PCDHGB6: variants seen among roughly 807,000 people sequenced by gnomAD.
PCDHGB6 encodes the protein protocadherin gamma subfamily B, 6, also known as protocadherin gamma-B6.
Under a neutral mutation model 59.1 loss-of-function variants are expected in PCDHGB6, and 51 were observed. The ratio of observed to expected loss-of-function variants is 0.86; its 90% CI spans 0.69 to 1.09. PCDHGB6 has a LOEUF of 1.09. Among genes scored for constraint, PCDHGB6 ranks in the 50% least tolerant of loss-of-function variants. PCDHGB6 has a pLI of 0.00. For missense variants in PCDHGB6, 1,148 were observed against 1,205.1 expected, an observed-to-expected ratio of 0.95 and a Z score of 0.70; for synonymous variants, 466 against 495.1, an observed-to-expected ratio of 0.94 and a Z score of 0.78.
chr5:141,470,627 G>A (rs977900352), intron 1 of PCDHGB6, among the ~76,000 whole-genome samples: 3 of 152,154 alleles, frequency 2.0e-5, no homozygotes, highest in Non-Finnish European at 2.9e-5. Flanking sequence ...TGCTTAGATA[G>A]GCCCCCTTGC....
chr5:141,417,414 A>G (rs1255289735), intron 1 of PCDHGB6: 1 of 157,986 alleles, frequency 6.3e-6, no homozygotes, highest in Non-Finnish European at 1.4e-5. Flanking sequence ...TTCAAGATAT[A>G]TGTAAATTCA....
chr5:141,478,819 C>T, intron 1 of PCDHGB6: 8 of 1,447,842 alleles, frequency 5.5e-6, no homozygotes, highest in South Asian at 3.0e-5. Flanking sequence ...CACAACTAAC[C>T]AATCTTGCTA....
chr5:141,457,118 A>G (rs1427146922), intron 1 of PCDHGB6, among the ~76,000 whole-genome samples: 3 of 152,228 alleles, frequency 2.0e-5, no homozygotes, highest in Non-Finnish European at 4.4e-5. Context: ...TACGACAGCA[A>G]TGGAAACTCT....
rs754836894 is a variant in PCDHGB6, at chr5:141,432,969, C to A, written c.2418+22349C>A. 6.2e-7 allele frequency: 1 copy of A among 1,614,148 alleles called. No individual in the cohort carries two copies. Among genetic ancestry groups the A allele is most frequent in the East Asian group, 2.2e-5 (1 of 44,852 alleles). ...GGAGGCGGCTTGACAGGAGCGCCGG[C>A]GTCGCACTTTGTGGGCGTGGACGGG... is the stretch of plus-strand genomic sequence containing the variant. On this transcript the variant is annotated intron_variant, in intron 1 of 3. Coordinates refer to ENST00000520790, the MANE Select transcript of PCDHGB6 (RefSeq NM_018926.3). This position sits in a 1 kb window ranked among gnomAD's most constrained non-coding sequence, Gnocchi z 6.0.
intron 1 of PCDHGB6, among the ~76,000 whole-genome samples, chr5:141,479,135 G>C (rs1236040845): frequency 6.6e-6 from 1 of 152,126 alleles, no homozygotes; most frequent in East Asian, 1.9e-4. Flanking sequence ...TGTGCACCCT[G>C]CTTACAAAAT....
intron 1 of PCDHGB6, 134 bp from the exon 2 acceptor site, chr5:141,494,673 C>G: frequency 4.5e-6 from 7 of 1,542,992 alleles, no homozygotes; most frequent in Non-Finnish European, 6.1e-6. Flanking sequence ...GATGAGTCCA[C>G]CCCTGCCCCC....
chr5:141,447,064 C>T (rs1453083716), intron 1 of PCDHGB6, among the ~76,000 whole-genome samples: 1 of 152,064 alleles, frequency 6.6e-6, no homozygotes, highest in Non-Finnish European at 1.5e-5. Context: ...ATGTGTCAGG[C>T]TGTTTTAATT....
At position 141,423,563 on chromosome 5, in the gene PCDHGB6, C is replaced by T. The variant is rs745802952; in HGVS notation, c.2418+12943C>T. 9.9e-6 allele frequency: 16 copies of T among 1,613,436 alleles called. No homozygotes were observed. In the Admixed American group the frequency reaches 2.3e-4, roughly 24 times the overall value. ...TTCCCCCAGCCCAACTATGGGGACA[C>T]GCTCATCAGCCAGGAGAGCTGTGAG... On this transcript the variant is annotated intron_variant, in intron 1 of 3. Coordinates refer to ENST00000520790, the MANE Select transcript of PCDHGB6 (RefSeq NM_018926.3).
chr5:141,510,813 C>T, intron 3 of PCDHGB6, 134 bp from the exon 4 acceptor site: 1 of 1,537,024 alleles, frequency 6.5e-7, no homozygotes, highest in South Asian at 1.2e-5. Flanking sequence ...CTTGGTGACC[C>T]CTATATTCCC....
Position 141,485,151 on chromosome 5 carries a change from T to C in PCDHGB6, c.2419-9656T>C, listed in dbSNP as rs1191585056. 1.0e-5 allele frequency: 16 copies of C among 1,584,876 alleles called. No homozygotes were observed. Among genetic ancestry groups the C allele is most frequent in the Non-Finnish European group, 1.3e-5 (15 of 1,156,528 alleles). On this transcript the variant is annotated intron_variant, in intron 1 of 3. Coordinates refer to ENST00000520790, the MANE Select transcript of PCDHGB6 (RefSeq NM_018926.3). This position sits in a 1 kb window ranked among gnomAD's most constrained non-coding sequence, Gnocchi z 5.7. ...GCTTCATCCGCGTCTCAGGAGCAAG[T>C]AGAGAATTAGCGGGCGGCAGCAATG...
At chr5:141,418,479 C>G (rs375821205) in intron 1 of PCDHGB6, 3 of 1,614,010 alleles carry the variant, frequency 1.9e-6, no homozygotes, top group Non-Finnish European at 1.7e-6. Context: ...ACGCAGAGCG[C>G]TCACCACTTG....
At chr5:141,503,384 C>G (rs898225633) in intron 2 of PCDHGB6, among the ~76,000 whole-genome samples, 1 of 151,906 alleles carries the variant, frequency 6.6e-6, no homozygotes, top group Non-Finnish European at 1.5e-5. Flanking sequence ...ATCATGAGGT[C>G]AGGAGTTCGA....
chr5:141,408,973 T>G lies in PCDHGB6; in HGVS notation c.771T>G (p.Pro257=), dbSNP rs754120948. 4.3e-5 allele frequency: 70 copies of G among 1,613,718 alleles called. No homozygotes were observed. In the Admixed American group the frequency reaches 6.5e-4, roughly 15 times the overall value. ...TTAGTCTTAGTGAAAATCTGCCCCC[T>G]GGGTCCCCTGTGTTGCAAGTGACAG... The part of the protein sequence containing the change: ...YRISLSENLP[P]GSPVLQVTAT... Residue 257 remains proline, a synonymous_variant, in exon 1 of 4, where the codon CCT becomes CCG. Transcript: ENST00000520790.
chr5:141,454,893 C>T (rs1414320972), intron 1 of PCDHGB6, among the ~76,000 whole-genome samples: 7 of 146,892 alleles, frequency 4.8e-5, no homozygotes, highest in Admixed American at 1.4e-4. Flanking sequence ...CTGCTAGCAC[C>T]GCCTCCCGGG....
Position 141,477,283 on chromosome 5 carries a change from C to T in PCDHGB6, c.2419-17524C>T, listed in dbSNP as rs766672047. The T allele has an allele frequency of 9.3e-6, 15 of 1,614,076 alleles. No homozygotes were observed. The highest frequency in any genetic ancestry group is 2.7e-5 in the African/African-American group (2 of 74,924). On this transcript the variant is annotated intron_variant, in intron 1 of 3. Coordinates refer to ENST00000520790, the MANE Select transcript of PCDHGB6 (RefSeq NM_018926.3). The surrounding 1 kb of genome is among the most constrained non-coding windows in gnomAD (Gnocchi z 4.9). ...CTGGCGAGAACGGGCTGGTGACCTG[C>T]GAAGTTCCACCGGGTCTCCCTTTCA... is the stretch of plus-strand genomic sequence containing the variant.
At chr5:141,428,987 T>G (rs1185184865) in intron 1 of PCDHGB6, 2 of 152,288 alleles carry the variant, frequency 1.3e-5, no homozygotes, top group Non-Finnish European at 2.9e-5. Context: ...CCCGGGTAGC[T>G]GGGACTACAG....
At chr5:141,437,040 C>G (rs188070264) in intron 1 of PCDHGB6, among the ~76,000 whole-genome samples, 1 of 152,266 alleles carries the variant, frequency 6.6e-6, no homozygotes, top group African/African-American at 2.4e-5. Flanking sequence ...ATCACCGAAA[C>G]CAGAAGGCTG....
Position 141,477,468 on chromosome 5 carries a change from A to G in PCDHGB6, c.2419-17339A>G. ...GTGCGTGTTCAAGTGTCCGACATCA[A>G]TGACAACCCTCCACAATCTTCTCAA... is the stretch of plus-strand genomic sequence containing the variant. On this transcript the variant is annotated intron_variant, in intron 1 of 3. Transcript: ENST00000520790. This position sits in a 1 kb window ranked among gnomAD's most constrained non-coding sequence, Gnocchi z 4.9. 6.2e-7 allele frequency: 1 copy of G among 1,614,158 alleles called. No homozygotes were observed. Among genetic ancestry groups the G allele is most frequent in the Non-Finnish European group, 8.5e-7 (1 of 1,180,022 alleles).
At position 141,409,052 on chromosome 5, in the gene PCDHGB6, A is replaced by C; in HGVS notation, c.850A>C (p.Thr284Pro). 1.2e-6 allele frequency: 2 copies of C among 1,614,050 alleles called. No homozygotes were observed. Among genetic ancestry groups the C allele is most frequent in the African/African-American group, 1.3e-5 (1 of 75,064 alleles). Residue 284 changes from threonine (T) to proline (P), a missense_variant, in exon 1 of 4, where the codon ACT becomes CCT. Physicochemically the swap from Thr to Pro is conservative, Grantham distance 38. Coordinates refer to ENST00000520790, the MANE Select transcript of PCDHGB6 (RefSeq NM_018926.3). ...TGAGATAAACTACTACTTCCGAAGC[A>C]CTGCCCAGAGCACAAAACATATGTT... ...NAEINYYFRS[T>P]AQSTKHMFSL...
Sources: gnomAD v4.1 joint callset for allele counts (sites outside exome capture counted in the v4.1 genomes callset) on GRCh38, gnomAD v4.1.1 for gene constraint, Gnocchi (gnomAD v3.1) non-coding constraint, MANE v1.5 for transcripts, NCBI Gene and HGNC (gene_info 2026-07-23, HGNC 2026-07-21) for gene names.